Variants in TMEM164 observed in about 807,000 individuals in gnomAD.
TMEM164 encodes the protein transmembrane protein 164.
A neutral mutation model predicts 18.8 loss-of-function variants in TMEM164; 4 were observed. The observed-to-expected ratio is 0.21, with a 90% confidence interval of 0.10 to 0.49. The LOEUF is 0.49. Among genes scored for constraint, TMEM164 ranks in the 20% least tolerant of loss-of-function variants. The pLI, the probability that TMEM164 is intolerant of heterozygous loss-of-function variation, is 0.98. For missense variants in TMEM164, 108 were observed against 239.9 expected (o/e 0.45, Z 3.63); for synonymous variants, 86 against 101.7 (o/e 0.85, Z 0.93).
At chrX:110,046,815 T>C (rs1230574895) in intron 2 of TMEM164, among the ~76,000 whole-genome samples, 1 of 112,285 alleles carries the variant, frequency 8.9e-6, no homozygotes, top group Non-Finnish European at 1.9e-5. Flanking sequence ...GATTTGGGAC[T>C]CAGCTAGCCA....
chrX:110,106,956 C>T (rs980888637), intron 3 of TMEM164, among the ~76,000 whole-genome samples: 3 of 112,377 alleles, frequency 2.7e-5, no homozygotes, highest in Admixed American at 9.4e-5. Context: ...GTTGGAGTGA[C>T]ATTGCGTTGG....
At chrX:110,006,190 C>A (rs1248078931) in intron 2 of TMEM164, among the ~76,000 whole-genome samples, 1 of 111,001 alleles carries the variant, frequency 9.0e-6, no homozygotes, top group East Asian at 2.8e-4. Context: ...GAGAGCTATT[C>A]TGAAATGCTT....
At chrX:110,051,420 T>C (rs1195418828) in intron 2 of TMEM164, among the ~76,000 whole-genome samples, 1 of 110,800 alleles carries the variant, frequency 9.0e-6, no homozygotes, top group Non-Finnish European at 1.9e-5. Flanking sequence ...CCAAACAACT[T>C]GGTTCTGGCT....
intron 4 of TMEM164, among the ~76,000 whole-genome samples, chrX:110,133,335 G>C (rs765239412): frequency 9.0e-5 from 10 of 111,094 alleles, no homozygotes; most frequent in Non-Finnish European, 1.1e-4. Flanking sequence ...ACTTTTAGTA[G>C]AGACAGGGTT....
chrX:110,076,000 T>C (rs1316929483), intron 3 of TMEM164, among the ~76,000 whole-genome samples: 2 of 60,775 alleles, frequency 3.3e-5, no homozygotes, highest in Non-Finnish European at 5.7e-5. Context: ...GAGTCTCTCC[T>C]CCTTGATTTT....
At chrX:110,047,711 T>G (rs1935375795) in intron 2 of TMEM164, among the ~76,000 whole-genome samples, 1 of 111,874 alleles carries the variant, frequency 8.9e-6, no homozygotes, top group Admixed American at 9.5e-5. Context: ...CCCCAACAAG[T>G]GCTGAATGGA....
At chrX:110,148,701 T>G (rs5942898) in intron 5 of TMEM164, among the ~76,000 whole-genome samples, 2 of 90,995 alleles carry the variant, frequency 2.2e-5, no homozygotes, top group Non-Finnish European at 4.1e-5. Context: ...TTTTTTTTTG[T>G]ATTGTGTAGA....
At chrX:110,119,098 G>A (rs1035283772) in intron 4 of TMEM164, among the ~76,000 whole-genome samples, 5 of 110,510 alleles carry the variant, frequency 4.5e-5, no homozygotes, top group Non-Finnish European at 9.5e-5. Context: ...CTAAAATAAT[G>A]CCATTTTCTT....
At chrX:110,105,233 G>A (rs1043026059) in intron 3 of TMEM164, among the ~76,000 whole-genome samples, 1 of 102,849 alleles carries the variant, frequency 9.7e-6, no homozygotes, top group Non-Finnish European at 2.0e-5. Flanking sequence ...TCCATCTTGA[G>A]GCTTTAGGTG....
chrX:110,044,643 G>C (rs1935244601), intron 2 of TMEM164, among the ~76,000 whole-genome samples: 1 of 84,994 alleles, frequency 1.2e-5, no homozygotes, highest in Non-Finnish European at 2.2e-5. Flanking sequence ...TACAGATGGG[G>C]TCTCACTATA....
At chrX:110,090,865 C>G (rs1048286212) in intron 3 of TMEM164, among the ~76,000 whole-genome samples, 1 of 108,321 alleles carries the variant, frequency 9.2e-6, no homozygotes, top group African/African-American at 3.4e-5. Context: ...CCCAGCCCCC[C>G]ACCCCATGAC....
chrX:110,164,030 TA>T (rs1259557365), intron 5 of TMEM164, among the ~76,000 whole-genome samples: 1 of 112,181 alleles, frequency 8.9e-6, no homozygotes, highest in African/African-American at 3.2e-5. Context: ...GAGAAAATAT[TA>T]ATTTGTGGCC....
chrX:110,156,296 A>G (rs1569354897), intron 5 of TMEM164, among the ~76,000 whole-genome samples: 1 of 112,137 alleles, frequency 8.9e-6, no homozygotes, highest in African/African-American at 3.2e-5. Flanking sequence ...TACTTTTATT[A>G]TACTTTATTA....
chrX:110,041,670 C>T (rs1342969252), intron 2 of TMEM164, among the ~76,000 whole-genome samples: 1 of 112,084 alleles, frequency 8.9e-6, no homozygotes, highest in Non-Finnish European at 1.9e-5. Context: ...TGAAATATTT[C>T]TAGTATCCAT....
At position 110,003,599 on chromosome X, in the gene TMEM164, C is replaced by CT; in HGVS notation, c.-173dup. The CT allele has an allele frequency of 3.8e-6, 2 of 524,927 alleles. No homozygotes were observed. Among genetic ancestry groups the CT allele is most frequent in the Non-Finnish European group, 6.0e-6 (2 of 334,695 alleles). 43.3% of individuals were successfully genotyped at this position (524,927 alleles called of 1,213,427 possible). A position where few individuals can be genotyped will look rare whatever the true frequency, so the allele number is the denominator to read the frequency against. ...CCGTGGGGACAAGTTAGAGCCAGCA[C>CT]TTTACCCCGGGCCTTGCGTGTAGCT... On this transcript the variant is annotated 5_prime_UTR_variant, in exon 2 of 7. Transcript: ENST00000372068.
intron 3 of TMEM164, among the ~76,000 whole-genome samples, chrX:110,068,501 A>G: frequency 8.9e-6 from 1 of 112,413 alleles, no homozygotes; most frequent in Non-Finnish European, 1.9e-5. Flanking sequence ...CTCATTATGG[A>G]AAACACAGGG....
intron 3 of TMEM164, among the ~76,000 whole-genome samples, chrX:110,089,922 A>G (rs1366550975): frequency 8.9e-6 from 1 of 112,617 alleles, no homozygotes; most frequent in African/African-American, 3.2e-5. Context: ...AATTGTTAGT[A>G]GTAGCGTATA....
chrX:110,094,166 G>T (rs1010811187), intron 3 of TMEM164, among the ~76,000 whole-genome samples: 3 of 112,331 alleles, frequency 2.7e-5, no homozygotes, highest in Non-Finnish European at 5.6e-5. Flanking sequence ...ATATTCTGTT[G>T]ATTTGGGGTG....
chrX:110,157,329 A>G (rs2067030562), intron 5 of TMEM164, among the ~76,000 whole-genome samples: 1 of 111,919 alleles, frequency 8.9e-6, no homozygotes, highest in East Asian at 2.8e-4. Flanking sequence ...TAAGAGGTAC[A>G]GTAAAATCAG....
Sources: gnomAD v4.1 joint callset for allele counts (sites outside exome capture counted in the v4.1 genomes callset) on GRCh38, gnomAD v4.1.1 for gene constraint, MANE v1.5 for transcripts, NCBI Gene and HGNC (gene_info 2026-07-23, HGNC 2026-07-21) for gene names.